GTPBP1: variants seen among roughly 807,000 people sequenced by gnomAD.
GTPBP1 encodes GTP binding protein 1, also known as GTP-binding protein 1.
Under a neutral mutation model 62.0 loss-of-function variants are expected in GTPBP1, and 23 were observed. The ratio of observed to expected loss-of-function variants is 0.37; its 90% CI spans 0.27 to 0.53. The LOEUF (loss-of-function observed/expected upper bound fraction) is 0.53. Among genes scored for constraint, GTPBP1 ranks in the 20% least tolerant of loss-of-function variants. The probability of loss-of-function intolerance (pLI) is 0.89; values close to 1 mark genes in which losing one functional copy is unlikely to be tolerated. For synonymous variants in GTPBP1, 344 were observed against 364.4 expected (o/e 0.94, Z 0.64); for missense variants, 640 against 917.3 (o/e 0.70, Z 3.90).
intron 1 of GTPBP1, among the ~76,000 whole-genome samples, chr22:38,708,523 C>G (rs2092619499): frequency 1.3e-5 from 2 of 152,210 alleles, no homozygotes; most frequent in Non-Finnish European, 1.5e-5. Context: ...AAGCACTGCG[C>G]TTTCTATCCA....
rs768801923 is a variant in GTPBP1 at position 38,725,891 on chromosome 22, T to G, written c.1074-115T>G. 3 of 939,806 alleles carry G rather than the reference T, an allele frequency of 3.2e-6. No homozygotes were observed. The African/African-American group carries it at 4.9e-5, about 15-fold the overall frequency. 58.2% of individuals were successfully genotyped at this position (939,806 alleles called of 1,614,324 possible). On this transcript the variant is annotated intron_variant, in intron 6 of 11. Coordinates refer to ENST00000216044, the MANE Select transcript of GTPBP1 (RefSeq NM_004286.5). ...GGCAGGTGAGGGAGAGGTGGAGTCA[T>G]GAATAGTGGCATCTGCTCCTCGAGC...
In GTPBP1 at chr22:38,730,113, G is replaced by A. The variant is rs2092749021; in HGVS notation, c.1917+451G>A. Among the ~76,000 whole-genome samples the A allele has an allele frequency of 6.6e-6, 1 of 152,098 alleles. No homozygotes were observed. Among genetic ancestry groups the A allele is most frequent in the South Asian group, 2.1e-4 (1 of 4,830 alleles). On this transcript the variant is annotated intron_variant, in intron 11 of 11. Coordinates refer to ENST00000216044, the MANE Select transcript of GTPBP1 (RefSeq NM_004286.5). The surrounding 1 kb of genome is among the most constrained non-coding windows in gnomAD (Gnocchi z 5.6). Reference sequence around the variant, plus strand: ...GGGGAGGTGGCTTTGGGATGTGCCAGTGCGCCTCTTACTCGGCATCTCCTG... The same window carrying A: ...GGGGAGGTGGCTTTGGGATGTGCCAATGCGCCTCTTACTCGGCATCTCCTG...
chr22:38,707,629 A>C (rs1442215761), intron 1 of GTPBP1, among the ~76,000 whole-genome samples: 1 of 152,248 alleles, frequency 6.6e-6, no homozygotes, highest in Non-Finnish European at 1.5e-5. Flanking sequence ...ACTGGATGTC[A>C]ACACATGGTC....
At chr22:38,739,497 G>T, downstream of GTPBP1, 6 of 1,560,250 alleles carry the variant, frequency 3.8e-6, no homozygotes, top group Non-Finnish European at 5.3e-6. This position sits in a 1 kb window ranked among gnomAD's most constrained non-coding sequence, Gnocchi z 6.7. Flanking sequence ...CGTGGCCGTG[G>T]GCCAAGGACC....
Position 38,725,994 on chromosome 22 carries a change from CCCTCTGCTT to C in GTPBP1, c.1074-11_1074-3del. 6.2e-7 allele frequency: 1 copy of C among 1,613,214 alleles called. No homozygotes were observed. The highest frequency in any genetic ancestry group is 8.5e-7 in the Non-Finnish European group (1 of 1,179,246). ...TCTCTCCTTTTTTCCTTCCTCTTCT[CCCTCTGCTT>C]AGGATGTGCCCGATATTCCAGATCT... On this transcript the variant is annotated splice_polypyrimidine_tract_variant and splice_region_variant and intron_variant, in intron 6 of 11. Transcript: ENST00000216044.
intron 5 of GTPBP1, among the ~76,000 whole-genome samples, chr22:38,724,052 GA>G (rs2092714527): frequency 2.6e-5 from 4 of 152,248 alleles, no homozygotes; most frequent in African/African-American, 9.6e-5. Context: ...AGACACAAGA[GA>G]AATCTGCCAG....
At chr22:38,738,970 G>T (rs756979955), downstream of GTPBP1, 1 of 1,612,704 alleles carries the variant, frequency 6.2e-7, no homozygotes, top group South Asian at 1.1e-5. The surrounding 1 kb of genome is among the most constrained non-coding windows in gnomAD (Gnocchi z 6.6). Flanking sequence ...AGAACATCGG[G>T]TGCTGATGAC....
At chr22:38,722,788 G>T (rs1256318139) in intron 5 of GTPBP1, 2 of 1,602,320 alleles carry the variant, frequency 1.2e-6, no homozygotes, top group African/African-American at 1.3e-5. Context: ...GCTGGATTTG[G>T]CTTGATTGTA....
chr22:38,720,480 T>G (rs1024572445), intron 4 of GTPBP1, among the ~76,000 whole-genome samples: 2 of 152,144 alleles, frequency 1.3e-5, no homozygotes, highest in African/African-American at 4.8e-5. Context: ...TTCACCCACC[T>G]TGGCCTCCCA....
At chr22:38,725,090 C>T (rs1002310119) in intron 6 of GTPBP1, 3 of 152,500 alleles carry the variant, frequency 2.0e-5, no homozygotes, top group African/African-American at 7.2e-5. Flanking sequence ...CCCAGAGCAG[C>T]CTGGCTTTTT....
chr22:38,710,806 A>G (rs1006474969), intron 2 of GTPBP1, among the ~76,000 whole-genome samples: 1 of 152,168 alleles, frequency 6.6e-6, no homozygotes, highest in African/African-American at 2.4e-5. Context: ...GAAGACCCAG[A>G]TTCTTAAGAC....
chr22:38,721,549 T>G (rs577636752), intron 4 of GTPBP1, among the ~76,000 whole-genome samples, 193 bp from the exon 5 acceptor site: 1 of 152,222 alleles, frequency 6.6e-6, no homozygotes. Context: ...GACAGTTGTT[T>G]CCCTGACTGG....
downstream of GTPBP1, chr22:38,742,774 G>C: frequency 1.7e-6 from 1 of 585,280 alleles, no homozygotes; most frequent in Non-Finnish European, 3.0e-6. Context: ...CGGCCACAGA[G>C]GAAGGTCCCT....
At position 38,717,018 on chromosome 22, in the gene GTPBP1, C is replaced by G; in HGVS notation, c.834+18C>G. On this transcript the variant is annotated intron_variant, in intron 4 of 11. Coordinates refer to ENST00000216044, the MANE Select transcript of GTPBP1 (RefSeq NM_004286.5). ...TGCTCATGGTGAGTGGGAGGCGCCC[C>G]AAGGAGGGGAGGCGTCAGCAGGGCT... The G allele has an allele frequency of 2.0e-6, 3 of 1,518,016 alleles. No individual in the cohort carries two copies. Among genetic ancestry groups the G allele is most frequent in the Non-Finnish European group, 1.8e-6 (2 of 1,096,814 alleles). 94.0% of individuals were successfully genotyped at this position (1,518,016 alleles called of 1,614,324 possible). A position where few individuals can be genotyped will look rare whatever the true frequency, so the allele number is the denominator to read the frequency against.
chr22:38,715,484 A>G (rs1025547208), intron 2 of GTPBP1, among the ~76,000 whole-genome samples: 1 of 152,108 alleles, frequency 6.6e-6, no homozygotes, highest in Non-Finnish European at 1.5e-5. Flanking sequence ...CCTTTGCAGA[A>G]CTGTCCTCGG....
rs1254676060 is a variant in GTPBP1 at position 38,706,051 on chromosome 22, G to C, written c.96G>C (p.Ala32=). 7.3e-7 allele frequency: 1 copy of C among 1,370,730 alleles called. No homozygotes were observed. Among genetic ancestry groups the C allele is most frequent in the East Asian group, 3.1e-5 (1 of 32,504 alleles). 84.9% of individuals were successfully genotyped at this position (1,370,730 alleles called of 1,614,324 possible). Residue 32 remains alanine, a synonymous_variant, in exon 1 of 12, where the codon GCG becomes GCC. Transcript: ENST00000216044. The part of the protein sequence containing the change: ...EPSSPGAARA[A]AAAARLHGGF... ...GCTCCCCGGGGGCGGCCAGGGCCGC[G>C]GCGGCCGCCGCCCGACTCCACGGCG...
downstream of GTPBP1, chr22:38,739,731 C>T: frequency 6.2e-7 from 1 of 1,613,560 alleles, no homozygotes; most frequent in Non-Finnish European, 8.5e-7. The surrounding 1 kb of genome is among the most constrained non-coding windows in gnomAD (Gnocchi z 6.7). Flanking sequence ...CCTCCTCTGT[C>T]ACTCCAATCA....
At chr22:38,738,136 T>C, downstream of GTPBP1, 1 of 1,592,906 alleles carries the variant, frequency 6.3e-7, no homozygotes, top group East Asian at 2.2e-5. The surrounding 1 kb of genome is among the most constrained non-coding windows in gnomAD (Gnocchi z 6.6). Context: ...GGATGGGGAG[T>C]CTGCGCCACT....
At chr22:38,717,031 C>A (rs753013791) in intron 4 of GTPBP1, 31 bp downstream of exon 4, 2 of 1,374,420 alleles carry the variant, frequency 1.5e-6, no homozygotes, top group South Asian at 1.2e-5. Context: ...GGAGGGGAGG[C>A]GTCAGCAGGG....
Sources: allele counts gnomAD v4.1 joint callset (sites outside exome capture counted in the v4.1 genomes callset), GRCh38; gene constraint gnomAD v4.1.1; non-coding constraint Gnocchi (gnomAD v3.1); transcripts MANE v1.5; gene names NCBI Gene and HGNC (gene_info 2026-07-23, HGNC 2026-07-21).